SOCS5: variants seen among roughly 807,000 people sequenced by gnomAD.
SOCS5 encodes suppressor of cytokine signaling 5.
Under a neutral mutation model 42.8 loss-of-function variants are expected in SOCS5, and 32 were observed. The ratio of observed to expected loss-of-function variants is 0.75; its 90% CI spans 0.56 to 1.01. The LOEUF (loss-of-function observed/expected upper bound fraction) is 1.01. SOCS5 is among the 50% of genes least tolerant of loss of function. The probability of loss-of-function intolerance (pLI) is 0.00; values close to 1 mark genes in which losing one functional copy is unlikely to be tolerated. For missense variants in SOCS5, 627 were observed against 653.0 expected (o/e 0.96, Z 0.43); for synonymous variants, 283 against 229.6 (o/e 1.23, Z -2.10).
chr2:46,743,340 C>A (rs2103744271), intron 1 of SOCS5, among the ~76,000 whole-genome samples: 1 of 152,176 alleles, frequency 6.6e-6, no homozygotes, highest in East Asian at 1.9e-4. Flanking sequence ...TGCTGGTTGC[C>A]CATTTTTATG....
chr2:46,752,993 C>G (rs141201096), intron 1 of SOCS5, among the ~76,000 whole-genome samples: 21 of 152,276 alleles, frequency 1.4e-4, no homozygotes, highest in Non-Finnish European at 1.8e-4. Flanking sequence ...CAGGTGCTTG[C>G]TTGGACTCCT....
chr2:46,760,356 A>G lies in SOCS5; in HGVS notation c.*215A>G. 2.1e-6 allele frequency: 1 copy of G among 479,718 alleles called. No individual in the cohort carries two copies. The highest frequency in any genetic ancestry group is 3.8e-6 in the Non-Finnish European group (1 of 265,342). 29.7% of individuals were successfully genotyped at this position (479,718 alleles called of 1,614,324 possible). On this transcript the variant is annotated 3_prime_UTR_variant, in exon 2 of 2. Coordinates refer to ENST00000394861, the MANE Select transcript of SOCS5 (RefSeq NM_144949.3). ...AGAGCTACAGGTGTTCAGTAAGACT[A>G]CAAAAACATTTTGCCTATTTCGCTA...
At chr2:46,717,828 G>T (rs1672783865) in intron 1 of SOCS5, among the ~76,000 whole-genome samples, 1 of 152,142 alleles carries the variant, frequency 6.6e-6, no homozygotes, top group Admixed American at 6.6e-5. Flanking sequence ...ATGTCTCCCG[G>T]ACCTGTGCTT....
intron 1 of SOCS5, among the ~76,000 whole-genome samples, chr2:46,709,131 G>A (rs187380182): frequency 6.0e-4 from 91 of 152,116 alleles, no homozygotes; most frequent in Non-Finnish European, 9.6e-4. Flanking sequence ...CGATCCGCCC[G>A]CCTTGGCCTC....
intron 1 of SOCS5, among the ~76,000 whole-genome samples, chr2:46,719,109 T>G (rs1040895955): frequency 6.6e-6 from 1 of 152,218 alleles, no homozygotes; most frequent in Non-Finnish European, 1.5e-5. Flanking sequence ...AAATTTTTAT[T>G]TAGTGTACTG....
chr2:46,703,701 G>C (rs1672397663), intron 1 of SOCS5, among the ~76,000 whole-genome samples: 1 of 152,150 alleles, frequency 6.6e-6, no homozygotes, highest in South Asian at 2.1e-4. Flanking sequence ...TCATGGTTAT[G>C]TGAACTGAGT....
chr2:46,706,414 CTT>C (rs1412280197), intron 1 of SOCS5, among the ~76,000 whole-genome samples: 1 of 152,174 alleles, frequency 6.6e-6, no homozygotes, highest in Non-Finnish European at 1.5e-5. Context: ...CTCTTTTACT[CTT>C]TGCTATGGTC....
chr2:46,714,039 A>G (rs1045426971), intron 1 of SOCS5, among the ~76,000 whole-genome samples: 6 of 152,168 alleles, frequency 3.9e-5, no homozygotes, highest in Non-Finnish European at 8.8e-5. Context: ...CAACCAATAT[A>G]AACTTTTTGA....
At chr2:46,701,989 C>G (rs756833831) in intron 1 of SOCS5, among the ~76,000 whole-genome samples, 5 of 151,460 alleles carry the variant, frequency 3.3e-5, no homozygotes, top group Non-Finnish European at 7.4e-5. Context: ...TCATTCCTAT[C>G]ATAGTTATAA....
rs528418832 is a variant in SOCS5 at position 46,708,686 on chromosome 2, T to G, written c.-13+9237T>G. Among the ~76,000 whole-genome samples the G allele has an allele frequency of 7.9e-5, 12 of 152,292 alleles. No homozygotes were observed. The East Asian group carries it at 2.1e-3, about 27-fold the overall frequency. On this transcript the variant is annotated intron_variant, in intron 1 of 1. Coordinates refer to ENST00000394861, the MANE Select transcript of SOCS5 (RefSeq NM_144949.3). ...TTGCTGCCAGAAAGCCAGAAATATT[T>G]GAGTGTCCTTGAAACACTGTACCAG...
chr2:46,703,101 A>C (rs1184407365), intron 1 of SOCS5, among the ~76,000 whole-genome samples: 3 of 152,226 alleles, frequency 2.0e-5, no homozygotes, highest in Non-Finnish European at 4.4e-5. Context: ...ATCTCACATA[A>C]TGTCTTTTAA....
At chr2:46,720,223 C>G (rs1391653705) in intron 1 of SOCS5, among the ~76,000 whole-genome samples, 2 of 152,144 alleles carry the variant, frequency 1.3e-5, no homozygotes, top group Non-Finnish European at 2.9e-5. Context: ...CCTTGCTGTT[C>G]AGTAATTAAG....
In SOCS5 at chr2:46,759,833, C is replaced by T. The variant is rs1673821561; in HGVS notation, c.1303C>T (p.His435Tyr). ...GCATGCCCGAATTGAGCAGTGGAAT[C>T]ACAACTTTAGTTTCGACGCCCATGA... ...SLHARIEQWN[H>Y]NFSFDAHDPC... Residue 435 changes from histidine to tyrosine, a missense_variant, in exon 2 of 2, where the codon CAC (histidine) becomes TAC (tyrosine). This residue lies in a region of SOCS5 where 340 missense variants were observed against 367.6 expected (regional missense o/e 0.92). Transcript: ENST00000394861. The T allele has an allele frequency of 6.2e-7, 1 of 1,614,066 alleles. No homozygotes were observed. The highest frequency in any genetic ancestry group is 1.3e-5 in the African/African-American group (1 of 74,930).
Position 46,762,008 on chromosome 2 carries a change from G to C in SOCS5, c.*1867G>C, listed in dbSNP as rs535785023. The C allele has an allele frequency of 6.0e-6, 1 of 167,112 alleles. No individual in the cohort carries two copies. The highest frequency in any genetic ancestry group is 2.4e-5 in the African/African-American group (1 of 41,562). The allele number at this position is 167,112 out of a possible 1,614,324, so 10.4% of individuals were successfully genotyped here. A position where few individuals can be genotyped will look rare whatever the true frequency, so the allele number is the denominator to read the frequency against. On this transcript the variant is annotated 3_prime_UTR_variant, in exon 2 of 2. Transcript: ENST00000394861. ...AATGAAGTCTTGTGAATTTGTAATA[G>C]ATCAGTACCATTTATTGGTTTGGGG...
chr2:46,735,600 A>C (rs1867819), intron 1 of SOCS5, among the ~76,000 whole-genome samples: 30 of 151,308 alleles, frequency 2.0e-4, no homozygotes, highest in Non-Finnish European at 2.8e-4. Flanking sequence ...TCTGGACTTA[A>C]CAGAGACTGT....
intron 1 of SOCS5, among the ~76,000 whole-genome samples, chr2:46,700,505 C>T (rs1672316311): frequency 6.6e-6 from 1 of 152,206 alleles, no homozygotes; most frequent in African/African-American, 2.4e-5. Flanking sequence ...AAGTAATTCA[C>T]ATTCTTTCTT....
intron 1 of SOCS5, among the ~76,000 whole-genome samples, chr2:46,703,222 C>T (rs1672383675): frequency 1.3e-5 from 2 of 152,090 alleles, no homozygotes; most frequent in Admixed American, 1.3e-4. Flanking sequence ...AATAGTCTTG[C>T]TATTGTTTTA....
chr2:46,729,906 A>C (rs911297824), intron 1 of SOCS5, among the ~76,000 whole-genome samples: 4 of 152,230 alleles, frequency 2.6e-5, no homozygotes, highest in Admixed American at 6.5e-5. Context: ...AAACATATAC[A>C]GCTGTACAAA....
chr2:46,709,136 G>A (rs1345321873), intron 1 of SOCS5, among the ~76,000 whole-genome samples: 2 of 152,008 alleles, frequency 1.3e-5, no homozygotes, highest in African/African-American at 4.8e-5. Flanking sequence ...CGCCCGCCTT[G>A]GCCTCCCAAA....
Sources: gnomAD v4.1 joint callset for allele counts (sites outside exome capture counted in the v4.1 genomes callset) on GRCh38, gnomAD v4.1.1 for gene constraint, gnomAD v4.1.1 regional missense constraint, MANE v1.5 for transcripts, NCBI Gene and HGNC (gene_info 2026-07-23, HGNC 2026-07-21) for gene names.